SPAG16: variants seen among roughly 807,000 people sequenced by gnomAD.
The protein encoded by SPAG16 is sperm associated antigen 16.
A neutral mutation model predicts 80.4 loss-of-function variants in SPAG16; 86 were observed. That is an observed-to-expected ratio of 1.07 (90% CI 0.90 to 1.28). The LOEUF (loss-of-function observed/expected upper bound fraction) is 1.28. Ranked by LOEUF, SPAG16 falls within the 50% of genes most tolerant of loss-of-function variation. The pLI is 0.00. For synonymous variants in SPAG16, 294 were observed against 265.9 expected, an observed-to-expected ratio of 1.11 and a Z score of -1.03; for missense variants, 870 against 765.3, an observed-to-expected ratio of 1.14 and a Z score of -1.61.
At chr2:213,969,337 A>C (rs1315255235) in intron 12 of SPAG16, among the ~76,000 whole-genome samples, 1 of 152,158 alleles carries the variant, frequency 6.6e-6, no homozygotes, top group African/African-American at 2.4e-5. Flanking sequence ...ATCAAATGGC[A>C]ATAGGAGGTG....
chr2:214,175,102 C>T (rs977474169), intron 15 of SPAG16, among the ~76,000 whole-genome samples: 5 of 151,110 alleles, frequency 3.3e-5, no homozygotes, highest in African/African-American at 7.3e-5. Flanking sequence ...GAAATTGATT[C>T]TGCTATCTCT....
chr2:213,574,589 A>G (rs981409808), intron 10 of SPAG16, among the ~76,000 whole-genome samples: 2 of 151,104 alleles, frequency 1.3e-5, no homozygotes, highest in African/African-American at 4.9e-5. Flanking sequence ...AATTGAGTTC[A>G]TGTTAATCCC....
chr2:213,606,429 C>T (rs2061263544), intron 10 of SPAG16, among the ~76,000 whole-genome samples: 1 of 152,148 alleles, frequency 6.6e-6, no homozygotes, highest in African/African-American at 2.4e-5. Context: ...TTAGTCCTCT[C>T]AATTATAGCT....
At chr2:214,253,325 A>G (rs1690440005) in intron 15 of SPAG16, among the ~76,000 whole-genome samples, 3 of 151,964 alleles carry the variant, frequency 2.0e-5, no homozygotes, top group South Asian at 4.1e-4. Flanking sequence ...CCATTTGTCA[A>G]TTTTGGCTTT....
Position 214,013,948 on chromosome 2 carries a change from T to G in SPAG16, c.1401-3T>G. The G allele has an allele frequency of 6.2e-7, 1 of 1,612,756 alleles. No homozygotes were observed. The highest frequency in any genetic ancestry group is 8.5e-7 in the Non-Finnish European group (1 of 1,179,264). ...CTAAAATTCTTAATTTCTCTCTTTA[T>G]AGTGAAAGATGCAGATGTACTTTGT... On this transcript the variant is annotated splice_region_variant and splice_polypyrimidine_tract_variant and intron_variant, in intron 12 of 15. Coordinates refer to ENST00000331683, the MANE Select transcript of SPAG16 (RefSeq NM_024532.5).
chr2:213,323,482 G>A (rs528934257), intron 5 of SPAG16, among the ~76,000 whole-genome samples: 1 of 152,282 alleles, frequency 6.6e-6, no homozygotes, highest in Non-Finnish European at 1.5e-5. Flanking sequence ...AAGTGTTGAT[G>A]TAAATGTGGA....
chr2:214,203,715 G>T (rs2058070656), intron 15 of SPAG16, among the ~76,000 whole-genome samples: 1 of 152,136 alleles, frequency 6.6e-6, no homozygotes. Flanking sequence ...GTCTCCCAGG[G>T]GTCCTTGGGG....
At chr2:214,161,744 G>T (rs2056448851) in intron 15 of SPAG16, among the ~76,000 whole-genome samples, 1 of 151,976 alleles carries the variant, frequency 6.6e-6, no homozygotes, top group African/African-American at 2.4e-5. Flanking sequence ...TAATACCTAG[G>T]TGATGGGTTG....
intron 14 of SPAG16, among the ~76,000 whole-genome samples, chr2:214,136,997 T>C (rs2055088378): frequency 6.6e-6 from 1 of 152,168 alleles, no homozygotes; most frequent in South Asian, 2.1e-4. Flanking sequence ...TACTTGCCCA[T>C]TTTGCATAGC....
intron 15 of SPAG16, among the ~76,000 whole-genome samples, chr2:214,291,859 T>G (rs1693829450): frequency 6.6e-6 from 1 of 152,234 alleles, no homozygotes; most frequent in African/African-American, 2.4e-5. Context: ...GTAAGTTTTA[T>G]ACTTTCATGT....
chr2:214,019,589 A>G (rs551054000), intron 13 of SPAG16, among the ~76,000 whole-genome samples: 1 of 152,166 alleles, frequency 6.6e-6, no homozygotes, highest in South Asian at 2.1e-4. Context: ...GGAACTCACA[A>G]AAAGAGTTAA....
At chr2:213,699,075 A>G (rs2065286292) in intron 10 of SPAG16, among the ~76,000 whole-genome samples, 1 of 152,054 alleles carries the variant, frequency 6.6e-6, no homozygotes, top group South Asian at 2.1e-4. Context: ...CTGTTGTTGT[A>G]GTAGTTTCTA....
At chr2:213,745,469 C>T (rs532650961) in intron 10 of SPAG16, among the ~76,000 whole-genome samples, 2 of 152,268 alleles carry the variant, frequency 1.3e-5, no homozygotes, top group South Asian at 2.1e-4. Context: ...TCTTGAACTC[C>T]TGACTTCAGG....
At chr2:214,162,760 CTT>C (rs2056492036) in intron 15 of SPAG16, among the ~76,000 whole-genome samples, 1 of 152,078 alleles carries the variant, frequency 6.6e-6, no homozygotes, top group African/African-American at 2.4e-5. Context: ...AAGCCACACT[CTT>C]TGTACTTCTT....
At chr2:213,709,865 T>C (rs1003695736) in intron 10 of SPAG16, among the ~76,000 whole-genome samples, 3 of 152,236 alleles carry the variant, frequency 2.0e-5, no homozygotes, top group Admixed American at 6.5e-5. Context: ...GCCTAAATGC[T>C]AATCATTAAT....
intron 13 of SPAG16, among the ~76,000 whole-genome samples, chr2:214,057,447 TG>T (rs1240076264): frequency 2.0e-5 from 3 of 152,146 alleles, no homozygotes; most frequent in Non-Finnish European, 4.4e-5. Flanking sequence ...GTCTTAACGG[TG>T]GGCTTAGAAT....
chr2:213,586,393 A>G (rs1180227897), intron 10 of SPAG16, among the ~76,000 whole-genome samples: 1 of 152,216 alleles, frequency 6.6e-6, no homozygotes, highest in East Asian at 1.9e-4. Flanking sequence ...GGAACAAGAC[A>G]GCTATCTAGC....
intron 10 of SPAG16, among the ~76,000 whole-genome samples, chr2:213,762,711 A>G (rs1473366735): frequency 6.6e-6 from 1 of 152,216 alleles, no homozygotes; most frequent in African/African-American, 2.4e-5. Context: ...AAATTTTATA[A>G]CATTTGTCTT....
intron 11 of SPAG16, among the ~76,000 whole-genome samples, chr2:213,876,029 G>T (rs546356742): frequency 1.3e-5 from 2 of 152,158 alleles, no homozygotes; most frequent in South Asian, 4.1e-4. Context: ...AGATATGTTT[G>T]ACAATTGTCC....
Sources: allele counts gnomAD v4.1 joint callset (sites outside exome capture counted in the v4.1 genomes callset), GRCh38; gene constraint gnomAD v4.1.1; transcripts MANE v1.5; gene names NCBI Gene and HGNC (gene_info 2026-07-23, HGNC 2026-07-21).